The following UGT2B7 variants were observed in gnomAD, a reference collection of about 807,000 sequenced individuals.
UGT2B7 encodes UDP glucuronosyltransferase family 2 member B7.
A neutral mutation model predicts 51.9 loss-of-function variants in UGT2B7; 51 were observed. The observed-to-expected ratio is 0.98, with a 90% confidence interval of 0.78 to 1.24. The LOEUF (loss-of-function observed/expected upper bound fraction) is 1.24, where lower values mean the gene tolerates loss of function less well. Ranked by LOEUF, UGT2B7 falls within the 50% of genes most tolerant of loss-of-function variation. The pLI, the probability that UGT2B7 is intolerant of heterozygous loss-of-function variation, is 0.00. For missense variants in UGT2B7, 727 were observed against 628.4 expected, an observed-to-expected ratio of 1.16 and a Z score of -1.68; for synonymous variants, 225 against 211.6, an observed-to-expected ratio of 1.06 and a Z score of -0.55.
upstream of UGT2B7, among the ~76,000 whole-genome samples, chr4:69,091,930 C>T (rs1719094262): frequency 6.6e-6 from 1 of 151,956 alleles, no homozygotes; most frequent in African/African-American, 2.4e-5. Flanking sequence ...ATTTTTTGAC[C>T]TAGCTTATTA....
In UGT2B7 at chr4:69,112,836, C is replaced by G; in HGVS notation, c.*100C>G. 9.5e-7 allele frequency: 1 copy of G among 1,056,120 alleles called. No individual in the cohort carries two copies. Among genetic ancestry groups the G allele is most frequent in the South Asian group, 3.3e-5 (1 of 30,194 alleles). 65.4% of individuals were successfully genotyped at this position (1,056,120 alleles called of 1,614,324 possible). ...ATGCAAGATTTCTTTCTTCCTGAGA[C>G]AAAAAAAAAAAAAGAAAAAAAAATC... is the stretch of plus-strand genomic sequence containing the variant. On this transcript the variant is annotated 3_prime_UTR_variant, in exon 6 of 6. Coordinates refer to ENST00000305231, the MANE Select transcript of UGT2B7 (RefSeq NM_001074.4).
intron 1 of UGT2B7, among the ~76,000 whole-genome samples, chr4:69,064,250 G>A (rs1320478313): frequency 5.3e-5 from 8 of 152,148 alleles, no homozygotes; most frequent in Admixed American, 2.0e-4. Context: ...TGTCTAAAAA[G>A]CCAGGAGATG....
chr4:69,070,356 A>G (rs1375569234), intron 1 of UGT2B7, among the ~76,000 whole-genome samples: 3 of 148,982 alleles, frequency 2.0e-5, no homozygotes, highest in Admixed American at 6.7e-5. Flanking sequence ...CATGTGCAAA[A>G]TGTGCACGTT....
At chr4:69,110,393 T>A (rs1459531069) in intron 5 of UGT2B7, among the ~76,000 whole-genome samples, 1 of 152,084 alleles carries the variant, frequency 6.6e-6, no homozygotes, top group African/African-American at 2.4e-5. Context: ...CACAACTATG[T>A]CTCCACTTTT....
chr4:69,053,852 G>A (rs1437036906), intron 1 of UGT2B7, among the ~76,000 whole-genome samples: 1 of 152,134 alleles, frequency 6.6e-6, no homozygotes, highest in Non-Finnish European at 1.5e-5. Flanking sequence ...AAGTAGAGTG[G>A]CACTTGTGCT....
chr4:69,074,046 T>C (rs573858217), intron 1 of UGT2B7, among the ~76,000 whole-genome samples: 1 of 152,274 alleles, frequency 6.6e-6, no homozygotes, highest in South Asian at 2.1e-4. Flanking sequence ...ATCATACTTA[T>C]TTAAAAATCT....
intron 3 of UGT2B7, 42 bp from the exon 4 acceptor site, chr4:69,107,133 G>A: frequency 6.3e-7 from 1 of 1,577,700 alleles, no homozygotes; most frequent in South Asian, 1.1e-5. Flanking sequence ...TATAACTTTT[G>A]AATTCCACTC....
At chr4:69,079,791 A>G (rs1234542477) in intron 1 of UGT2B7, among the ~76,000 whole-genome samples, 1 of 152,072 alleles carries the variant, frequency 6.6e-6, no homozygotes, top group African/African-American at 2.4e-5. Context: ...GGCATATACA[A>G]TGTGAACATA....
chr4:69,102,875 C>A lies in UGT2B7; in HGVS notation c.939C>A (p.Val313=). The change falls in exon 3 of 6, where the codon GTC becomes GTA. Residue 313 remains valine, a synonymous_variant. Transcript: ENST00000305231. ...TGGTGTTTTCTCTGGGGTCAATGGTCAGTAACATGACAGAAGAAAGGGCCA... is the reference window on the plus strand; with the variant it reads ...TGGTGTTTTCTCTGGGGTCAATGGTAAGTAACATGACAGAAGAAAGGGCCA... The part of the protein sequence containing the change: ...GVVVFSLGSM[V]SNMTEERANV... The A allele has an allele frequency of 1.9e-6, 3 of 1,613,588 alleles. No homozygotes were observed. The highest frequency in any genetic ancestry group is 1.7e-6 in the Non-Finnish European group (2 of 1,179,736).
Position 69,108,238 on chromosome 4 carries a change from G to A in UGT2B7, c.1226G>A (p.Arg409Lys), listed in dbSNP as rs34308305. 9.9e-6 allele frequency: 16 copies of A among 1,613,608 alleles called. No homozygotes were observed. The highest frequency in any genetic ancestry group is 1.7e-5 in the Admixed American group (1 of 59,988). ...GATAACATTGCTCACATGAAGGCCA[G>A]GGGAGCAGCTGTTAGAGTGGACTTC... is the stretch of plus-strand genomic sequence containing the variant. ...QPDNIAHMKA[R>K]GAAVRVDFNT... The change falls in exon 5 of 6, where the codon AGG (arginine) becomes AAG (lysine). Residue 409 changes from arginine to lysine, a missense_variant. Physicochemically the swap from Arg to Lys is conservative, Grantham distance 26 (BLOSUM62 2). Transcript: ENST00000305231.
intron 1 of UGT2B7, among the ~76,000 whole-genome samples, chr4:69,075,518 T>A (rs1467863507): frequency 6.6e-5 from 10 of 152,102 alleles, no homozygotes; most frequent in Non-Finnish European, 1.5e-4. Context: ...GAGACTAAAG[T>A]CATGATTATT....
At chr4:69,102,204 GT>G (rs1719438663) in intron 2 of UGT2B7, among the ~76,000 whole-genome samples, 1 of 151,802 alleles carries the variant, frequency 6.6e-6, no homozygotes, top group African/African-American at 2.4e-5. Context: ...ATTTTTTTTA[GT>G]TTTTGAAAAA....
chr4:69,053,560 C>T (rs1189092612), intron 1 of UGT2B7, among the ~76,000 whole-genome samples: 1 of 152,186 alleles, frequency 6.6e-6, no homozygotes, highest in Non-Finnish European at 1.5e-5. Flanking sequence ...TAACTCTTTT[C>T]CAGGATTCTA....
At chr4:69,068,778 T>A (rs1718537112) in intron 1 of UGT2B7, among the ~76,000 whole-genome samples, 1 of 152,018 alleles carries the variant, frequency 6.6e-6, no homozygotes, top group South Asian at 2.1e-4. Context: ...TGCCATACTT[T>A]AGCACTTTTT....
At chr4:69,067,785 T>C (rs1007072279) in intron 1 of UGT2B7, among the ~76,000 whole-genome samples, 2 of 152,150 alleles carry the variant, frequency 1.3e-5, no homozygotes, top group Admixed American at 6.6e-5. Flanking sequence ...ATGTGTTTTT[T>C]TCGTTTGTTT....
At chr4:69,105,557 A>C (rs566621825) in intron 3 of UGT2B7, among the ~76,000 whole-genome samples, 1 of 152,340 alleles carries the variant, frequency 6.6e-6, no homozygotes, top group East Asian at 1.9e-4. Context: ...ACGTTGTCTC[A>C]GTGTTAATAA....
chr4:69,075,862 T>C (rs2109870804), intron 1 of UGT2B7, among the ~76,000 whole-genome samples: 1 of 152,254 alleles, frequency 6.6e-6, no homozygotes, highest in African/African-American at 2.4e-5. Context: ...CATGTACCAT[T>C]GTGGTTTGCT....
chr4:69,079,204 G>A (rs1459771058), intron 1 of UGT2B7, among the ~76,000 whole-genome samples: 2 of 152,168 alleles, frequency 1.3e-5, no homozygotes, highest in Non-Finnish European at 2.9e-5. Flanking sequence ...GGTGTTTCCT[G>A]GGACAACAGG....
At chr4:69,101,282 GA>G (rs891224343) in intron 2 of UGT2B7, among the ~76,000 whole-genome samples, 1 of 151,760 alleles carries the variant, frequency 6.6e-6, no homozygotes, top group Non-Finnish European at 1.5e-5. Flanking sequence ...AAGCCATGAT[GA>G]AAAAATATAT....
Sources: gnomAD v4.1 joint callset for allele counts (sites outside exome capture counted in the v4.1 genomes callset) on GRCh38, gnomAD v4.1.1 for gene constraint, MANE v1.5 for transcripts, NCBI Gene and HGNC (gene_info 2026-07-23, HGNC 2026-07-21) for gene names.